GSE1: variants seen among roughly 807,000 people sequenced by gnomAD.
GSE1 encodes the protein Gse1 coiled-coil protein, also known as genetic suppressor element 1.
A neutral mutation model predicts 112.6 loss-of-function variants in GSE1; 32 were observed. The observed-to-expected ratio is 0.28, with a 90% CI of 0.21 to 0.38. The LOEUF is 0.38. Ranked by LOEUF, GSE1 falls within the 10% of genes least tolerant of loss-of-function variation. The pLI is 1.00. For missense variants in GSE1, 2,348 were observed against 1,699.2 expected (o/e 1.38, Z -6.71); for synonymous variants, 1,115 against 735.6 (o/e 1.52, Z -8.35).
intron 1 of GSE1, among the ~76,000 whole-genome samples, chr16:85,584,269 G>T (rs966237246): frequency 3.9e-5 from 6 of 152,188 alleles, no homozygotes; most frequent in African/African-American, 1.4e-4. Context: ...GGAGTTCCCA[G>T]TGGGCCTCCC....
intron 2 of GSE1, among the ~76,000 whole-genome samples, chr16:85,366,034 C>T (rs1324981812): frequency 1.3e-5 from 2 of 152,256 alleles, no homozygotes; most frequent in African/African-American, 4.8e-5. Context: ...CTGGTGACCA[C>T]CAGAAACCCT....
chr16:85,599,803 G>C (rs531623042), intron 1 of GSE1, among the ~76,000 whole-genome samples: 2 of 152,324 alleles, frequency 1.3e-5, no homozygotes, highest in South Asian at 4.1e-4. Flanking sequence ...GAGAAGCTGA[G>C]GCAGGAGGAT....
chr16:85,201,810 T>C (rs2075034429), intron 1 of GSE1, among the ~76,000 whole-genome samples: 1 of 152,206 alleles, frequency 6.6e-6, no homozygotes, highest in Admixed American at 6.5e-5. Flanking sequence ...CTTTTGTCTG[T>C]CAGCATGCAG....
rs1181031304 is a variant in GSE1, at chr16:85,674,568, A to G, written c.*2029A>G. On this transcript the variant is annotated 3_prime_UTR_variant, in exon 16 of 16. Coordinates refer to ENST00000253458, the MANE Select transcript of GSE1 (RefSeq NM_014615.5). ...TCTGGTCTGAAGGCTTAAGAGTCAC[A>G]TCTTAGCACTTCCGCTCTCAGGCCT... is the stretch of plus-strand genomic sequence containing the variant. The G allele has an allele frequency of 1.3e-5, 2 of 152,238 alleles. No individual in the cohort carries two copies. The highest frequency in any genetic ancestry group is 4.8e-5 in the African/African-American group (2 of 41,458). The allele number at this position is 152,238 out of a possible 1,614,324, so 9.4% of individuals were successfully genotyped here.
chr16:85,185,843 C>T (rs2074688573), intron 1 of GSE1, among the ~76,000 whole-genome samples: 1 of 152,220 alleles, frequency 6.6e-6, no homozygotes. Flanking sequence ...TTCTGGGAAA[C>T]TCTGGAGGGC....
At chr16:85,559,560 C>G (rs1433663682) in intron 1 of GSE1, among the ~76,000 whole-genome samples, 1 of 152,232 alleles carries the variant, frequency 6.6e-6, no homozygotes, top group African/African-American at 2.4e-5. Context: ...GCCATTGCCC[C>G]AGGGGCAGTT....
At chr16:85,190,645 C>T (rs1056156848) in intron 1 of GSE1, among the ~76,000 whole-genome samples, 4 of 152,282 alleles carry the variant, frequency 2.6e-5, no homozygotes, top group African/African-American at 9.6e-5. Flanking sequence ...GAGGACTTGC[C>T]TCCAACTTAG....
chr16:85,407,969 CT>C (rs2048353683), intron 2 of GSE1, among the ~76,000 whole-genome samples: 1 of 59,710 alleles, frequency 1.7e-5, no homozygotes, highest in African/African-American at 6.2e-5. Context: ...CTCAGGGTCC[CT>C]CTGATAATCC....
chr16:85,392,218 T>C (rs2047855502), intron 2 of GSE1, among the ~76,000 whole-genome samples: 1 of 152,186 alleles, frequency 6.6e-6, no homozygotes, highest in South Asian at 2.1e-4. Context: ...ACACACAGCA[T>C]TGATTCTGCA....
chr16:85,645,334 A>G (rs1258978433), intron 2 of GSE1, among the ~76,000 whole-genome samples: 1 of 151,946 alleles, frequency 6.6e-6, no homozygotes, highest in African/African-American at 2.4e-5. Flanking sequence ...GGAGAATGTG[A>G]ACGTGCCTCT....
rs1285190496 is a variant in GSE1, at chr16:85,478,927, C to CTTTTCTT, written c.2464+121285_2464+121286insTTTCTTT. On this transcript the variant is annotated intron_variant, in intron 2 of 2. Coordinates refer to the GSE1 transcript ENST00000637419. Reference sequence around the variant, plus strand: ...TCTTTCTTTCTTTCTTTCTTTCTTTCTCTTTCTTTCTTTCTTTCTTTTTTT... The same window carrying CTTTTCTT: ...TCTTTCTTTCTTTCTTTCTTTCTTTCTTTTCTTTCTTTCTTTCTTTCTTTCTTTTTTT... 1.1e-3 allele frequency among the ~76,000 whole-genome samples: 30 copies of CTTTTCTT among 28,056 alleles called. 5 individuals carry two copies. Among genetic ancestry groups the CTTTTCTT allele is most frequent in the African/African-American group, 4.4e-3 (29 of 6,530 alleles). The allele number at this position is 28,056 out of a possible 152,430, so 18.4% of individuals were successfully genotyped here.
chr16:85,483,506 A>G (rs560282826), intron 2 of GSE1, among the ~76,000 whole-genome samples: 2 of 152,374 alleles, frequency 1.3e-5, no homozygotes, highest in South Asian at 2.1e-4. Flanking sequence ...CCCAGCACAC[A>G]GCAAGTGCTC....
intron 1 of GSE1, among the ~76,000 whole-genome samples, chr16:85,180,630 AG>A (rs1363651725): frequency 6.6e-6 from 1 of 152,188 alleles, no homozygotes; most frequent in East Asian, 1.9e-4. Flanking sequence ...AAGGCAATGG[AG>A]GCACAGAGAG....
intron 1 of GSE1, among the ~76,000 whole-genome samples, chr16:85,602,952 G>C (rs1054774034): frequency 6.6e-6 from 1 of 152,224 alleles, no homozygotes; most frequent in African/African-American, 2.4e-5. Context: ...TGCAGGCCTT[G>C]CTTCCCTGTG....
At chr16:85,340,004 C>T (rs998024936) in intron 1 of GSE1, among the ~76,000 whole-genome samples, 3 of 152,170 alleles carry the variant, frequency 2.0e-5, no homozygotes, top group Non-Finnish European at 4.4e-5. Flanking sequence ...CCCCTGGTCC[C>T]CACCTCTCTC....
upstream of GSE1, among the ~76,000 whole-genome samples, chr16:85,552,870 C>T (rs866846105): frequency 2.1e-4 from 32 of 152,364 alleles, no homozygotes; most frequent in Middle Eastern, 3.4e-3. Flanking sequence ...ATTGCCTGTA[C>T]AGCTATTGTG....
intron 2 of GSE1, among the ~76,000 whole-genome samples, chr16:85,408,935 T>TA (rs2048402719): frequency 2.1e-4 from 1 of 4,692 alleles, no homozygotes; most frequent in African/African-American, 3.1e-4. Flanking sequence ...TCCTCACTGT[T>TA]ACACTCAGGC....
At chr16:85,604,415 TGGACATGTA>T (rs1274365462) in intron 1 of GSE1, among the ~76,000 whole-genome samples, 1 of 152,112 alleles carries the variant, frequency 6.6e-6, no homozygotes, top group Non-Finnish European at 1.5e-5. Context: ...CATCATCTGA[TGGACATGTA>T]GGTTTTCACT....
At chr16:85,493,681 A>G (rs2051079420) in intron 2 of GSE1, among the ~76,000 whole-genome samples, 1 of 149,368 alleles carries the variant, frequency 6.7e-6, no homozygotes. Context: ...TGAACCCGGG[A>G]GGCGGAGGTG....
Sources: allele counts gnomAD v4.1 joint callset (sites outside exome capture counted in the v4.1 genomes callset), GRCh38; gene constraint gnomAD v4.1.1; transcripts MANE v1.5; gene names NCBI Gene and HGNC (gene_info 2026-07-23, HGNC 2026-07-21).